Variants in CPQ observed in about 807,000 individuals in gnomAD.
CPQ encodes carboxypeptidase Q, also known as Ser-Met dipeptidase.
Under a neutral mutation model 45.7 loss-of-function variants are expected in CPQ, and 37 were observed. The observed-to-expected ratio is 0.81, with a 90% CI of 0.62 to 1.07. The LOEUF is 1.07. CPQ is among the 50% of genes least tolerant of loss of function. CPQ has a pLI of 0.00. For synonymous variants in CPQ, 186 were observed against 205.8 expected (o/e 0.90, Z 0.82); for missense variants, 537 against 572.9 (o/e 0.94, Z 0.64).
chr8:96,923,247 A>C (rs1305438325), intron 4 of CPQ, among the ~76,000 whole-genome samples: 3 of 152,212 alleles, frequency 2.0e-5, no homozygotes, highest in African/African-American at 7.2e-5. Context: ...GCAGTATAAA[A>C]TATGAAATTG....
intron 7 of CPQ, among the ~76,000 whole-genome samples, chr8:97,109,679 C>T (rs1811467224): frequency 6.6e-6 from 1 of 152,048 alleles, no homozygotes; most frequent in South Asian, 2.1e-4. Context: ...TTTTCAGACT[C>T]CTTGAATGAT....
At chr8:96,783,857 G>A (rs970542696) in intron 1 of CPQ, among the ~76,000 whole-genome samples, 1 of 151,992 alleles carries the variant, frequency 6.6e-6, no homozygotes, top group African/African-American at 2.4e-5. Context: ...TTACTATATT[G>A]GACAGCATTG....
chr8:96,726,715 A>G lies in CPQ; in HGVS notation c.-34-58149A>G, dbSNP rs533129295. Among the ~76,000 whole-genome samples the G allele has an allele frequency of 3.9e-5, 6 of 152,270 alleles. No homozygotes were observed. The East Asian group carries it at 1.2e-3, about 29-fold the overall frequency. On this transcript the variant is annotated intron_variant, in intron 1 of 7. Transcript: ENST00000220763. ...CCCACCTCCAACAATAGCGATTACAACTGAACATGAGATTGGGTGTGGACA... is the reference window on the plus strand; with the variant it reads ...CCCACCTCCAACAATAGCGATTACAGCTGAACATGAGATTGGGTGTGGACA...
In CPQ at chr8:96,785,179, C is replaced by T; in HGVS notation, c.282C>T (p.Asn94=). ...LEKAIQIMYQ[N]LQQDGLEKVH... ...AAGCCATCCAAATTATGTACCAAAACCTGCAGCAAGATGGGCTGGAGAAAG... is the reference window on the plus strand; with the variant it reads ...AAGCCATCCAAATTATGTACCAAAATCTGCAGCAAGATGGGCTGGAGAAAG... Residue 94 remains asparagine, a synonymous_variant, in exon 2 of 8, where the codon AAC becomes AAT. Coordinates refer to ENST00000220763, the MANE Select transcript of CPQ (RefSeq NM_016134.4). The T allele has an allele frequency of 1.9e-6, 3 of 1,613,576 alleles. No homozygotes were observed. Among genetic ancestry groups the T allele is most frequent in the East Asian group, 2.2e-5 (1 of 44,756 alleles).
At chr8:96,898,139 T>C (rs1032124700) in intron 4 of CPQ, among the ~76,000 whole-genome samples, 2 of 152,266 alleles carry the variant, frequency 1.3e-5, no homozygotes, top group African/African-American at 4.8e-5. Flanking sequence ...CTTGCACTCC[T>C]AAGAACTGGA....
intron 2 of CPQ, among the ~76,000 whole-genome samples, chr8:96,820,680 A>G (rs896070264): frequency 6.6e-6 from 1 of 152,038 alleles, no homozygotes; most frequent in African/African-American, 2.4e-5. Context: ...TTCATTGTGT[A>G]TATATATGGC....
At chr8:96,660,329 C>A (rs557754025) in intron 1 of CPQ, among the ~76,000 whole-genome samples, 2 of 152,160 alleles carry the variant, frequency 1.3e-5, no homozygotes, top group African/African-American at 4.8e-5. Flanking sequence ...GTTTCCTCTT[C>A]TTATATGGAC....
intron 5 of CPQ, among the ~76,000 whole-genome samples, chr8:97,026,019 T>C (rs1809793601): frequency 6.6e-6 from 1 of 152,206 alleles, no homozygotes; most frequent in Admixed American, 6.5e-5. Flanking sequence ...TGAAAGAAGT[T>C]ATGTATTTTC....
chr8:96,936,113 C>A (rs1366143814), intron 4 of CPQ, among the ~76,000 whole-genome samples: 3 of 151,846 alleles, frequency 2.0e-5, no homozygotes, highest in Non-Finnish European at 4.4e-5. Flanking sequence ...GGAGAAAACT[C>A]AGGGTTTGTG....
intron 5 of CPQ, among the ~76,000 whole-genome samples, chr8:96,991,295 C>A (rs1291706051): frequency 6.6e-6 from 1 of 152,080 alleles, no homozygotes; most frequent in Non-Finnish European, 1.5e-5. Flanking sequence ...GTGGCTCACA[C>A]CTCTAATCCC....
chr8:96,984,609 A>G (rs1813975034), intron 5 of CPQ, among the ~76,000 whole-genome samples: 1 of 152,206 alleles, frequency 6.6e-6, no homozygotes, highest in Non-Finnish European at 1.5e-5. Flanking sequence ...GAGAAAATAA[A>G]TTCCTGTTCT....
At position 96,798,072 on chromosome 8, in the gene CPQ, A is replaced by C. The variant is rs60919855; in HGVS notation, c.433+12742A>C. On this transcript the variant is annotated intron_variant, in intron 2 of 7. Coordinates refer to ENST00000220763, the MANE Select transcript of CPQ (RefSeq NM_016134.4). ...TCTCAAAAAAAAAAAAAGTTAAAGT[A>C]GGTTCTCCTTCATTTTTTATACCCT... Among the ~76,000 whole-genome samples the C allele has an allele frequency of 2.5e-4, 38 of 150,690 alleles. No homozygotes were observed. The East Asian group carries it at 7.4e-3, about 30-fold the overall frequency.
intron 1 of CPQ, among the ~76,000 whole-genome samples, chr8:96,696,480 C>A (rs1193387716): frequency 1.3e-5 from 2 of 150,842 alleles, no homozygotes; most frequent in Admixed American, 1.3e-4. Context: ...AAAGCAAGAG[C>A]AAACTGAACC....
intron 4 of CPQ, among the ~76,000 whole-genome samples, chr8:96,948,875 C>A (rs554275914): frequency 1.3e-5 from 2 of 152,110 alleles, no homozygotes; most frequent in East Asian, 3.9e-4. Flanking sequence ...GATGGATTGA[C>A]CTTTTTAATC....
At position 96,725,996 on chromosome 8, in the gene CPQ, C is replaced by T. The variant is rs377400694; in HGVS notation, c.-34-58868C>T. Among the ~76,000 whole-genome samples, 24 of 152,160 alleles carry T rather than the reference C, an allele frequency of 1.6e-4. No homozygotes were observed. In the East Asian group the frequency reaches 2.3e-3, roughly 15 times the overall value. On this transcript the variant is annotated intron_variant, in intron 1 of 7. Transcript: ENST00000220763. ...AGTGAATTGACACAGGAACAGAAAA[C>T]CAAATACCACATGTTCTCACTTATA...
intron 2 of CPQ, among the ~76,000 whole-genome samples, chr8:96,806,365 A>G (rs1586408200): frequency 6.6e-6 from 1 of 152,182 alleles, no homozygotes; most frequent in South Asian, 2.1e-4. Context: ...AGTTGCTCCT[A>G]CAGCCACTTT....
chr8:96,874,638 C>T (rs1812122310), intron 3 of CPQ, among the ~76,000 whole-genome samples: 1 of 151,756 alleles, frequency 6.6e-6, no homozygotes, highest in Admixed American at 6.6e-5. Flanking sequence ...ATAATGTTTT[C>T]AAGGTTCATC....
At chr8:96,848,666 A>T (rs1468981354) in intron 3 of CPQ, among the ~76,000 whole-genome samples, 2 of 152,190 alleles carry the variant, frequency 1.3e-5, no homozygotes, top group East Asian at 3.8e-4. Flanking sequence ...TTTTATTGGT[A>T]GTATCATTAT....
In CPQ at chr8:96,903,433, A is replaced by G. The variant is rs113376399; in HGVS notation, c.849+23428A>G. 6.2e-3 allele frequency among the ~76,000 whole-genome samples: 943 copies of G among 152,272 alleles called. 15 individuals carry two copies. Among genetic ancestry groups the G allele is most frequent in the African/African-American group, 0.022 (907 of 41,556 alleles). On this transcript the variant is annotated intron_variant, in intron 4 of 7. Transcript: ENST00000220763. ...GTGTAAGTTCCAGTACTTAACAAGAAGTTGTTGTAAGGTGAGTATTTATGA... is the reference window on the plus strand; with the variant it reads ...GTGTAAGTTCCAGTACTTAACAAGAGGTTGTTGTAAGGTGAGTATTTATGA...
Sources: gnomAD v4.1 joint callset for allele counts (sites outside exome capture counted in the v4.1 genomes callset) on GRCh38, gnomAD v4.1.1 for gene constraint, MANE v1.5 for transcripts, NCBI Gene and HGNC (gene_info 2026-07-23, HGNC 2026-07-21) for gene names.